SYNE1: variants seen among roughly 807,000 people sequenced by gnomAD.
SYNE1 encodes spectrin repeat containing nuclear envelope protein 1.
A neutral mutation model predicts 1,111.0 loss-of-function variants in SYNE1; 616 were observed. That is an observed-to-expected ratio of 0.55 (90% CI 0.52 to 0.59). The LOEUF is 0.59. SYNE1 is among the 20% of genes least tolerant of loss of function. The pLI is 0.00. For synonymous variants in SYNE1, 3,855 were observed against 3,825.8 expected, an observed-to-expected ratio of 1.01 and a Z score of -0.28; for missense variants, 10,006 against 10,417.0, an observed-to-expected ratio of 0.96 and a Z score of 1.72.
intron 93 of SYNE1, among the ~76,000 whole-genome samples, chr6:152,296,059 C>A (rs904728289): frequency 3.3e-5 from 5 of 152,224 alleles, no homozygotes; most frequent in Non-Finnish European, 7.3e-5. Context: ...GGGTGATTTT[C>A]ATGGGACTTT....
In SYNE1 at chr6:152,495,602, C is replaced by T. The variant is rs1203522928; in HGVS notation, c.939+3140G>A. ...TCACCTGCTCCACCCTGACTCATTC[C>T]GATTACCTGCTCCACCCTGACTCAT... On this transcript the variant is annotated intron_variant, in intron 11 of 145. Transcript: ENST00000367255. Among the ~76,000 whole-genome samples the T allele has an allele frequency of 5.3e-5, 8 of 152,042 alleles. No individual in the cohort carries two copies. The East Asian group carries it at 5.8e-4, about 11-fold the overall frequency.
intron 102 of SYNE1, among the ~76,000 whole-genome samples, 162 bp downstream of exon 102, chr6:152,256,472 T>C (rs946836990): frequency 7.0e-6 from 1 of 143,824 alleles, no homozygotes; most frequent in African/African-American, 2.6e-5. Flanking sequence ...ATAAATAGGA[T>C]GGGACTCCAG....
chr6:152,346,592 C>G (rs1406388114), intron 73 of SYNE1, among the ~76,000 whole-genome samples: 1 of 152,016 alleles, frequency 6.6e-6, no homozygotes, highest in Non-Finnish European at 1.5e-5. Context: ...GGGCGGATCA[C>G]GAGGTCAGGA....
chr6:152,408,955 CAAAA>C (rs369206657), intron 44 of SYNE1, 109 bp downstream of exon 44: 468 of 887,110 alleles, frequency 5.3e-4, no homozygotes, highest in Non-Finnish European at 5.7e-4. Flanking sequence ...ACTCTGTCTC[CAAAA>C]AAAAAAAAAA....
At chr6:152,300,258 A>T (rs1251203498) in intron 93 of SYNE1, among the ~76,000 whole-genome samples, 1 of 152,206 alleles carries the variant, frequency 6.6e-6, no homozygotes, top group Non-Finnish European at 1.5e-5. Context: ...AAATGCCAGC[A>T]CTATTTTCAA....
In SYNE1 at chr6:152,139,962, G is replaced by C; in HGVS notation, c.25446C>G (p.Ile8482Met). 6.2e-7 allele frequency: 1 copy of C among 1,613,528 alleles called. No homozygotes were observed. Among genetic ancestry groups the C allele is most frequent in the Middle Eastern group, 1.8e-4 (1 of 5,590 alleles). Residue 8482 changes from isoleucine to methionine, a missense_variant, in exon 140 of 146, where the codon ATC becomes ATG. Ile to Met is a conservative substitution (Grantham distance 10, BLOSUM62 1). Transcript: ENST00000367255. ...AAGGGGCAGCTACCTTGAGCTTTTT[G>C]ATCTGGAGCTCGATGGTCTGGATGT... Reference protein sequence around the residue: ...STDIQTIELQIKKLKELQKAV... With the variant: ...STDIQTIELQMKKLKELQKAV...
Position 152,350,319 on chromosome 6 carries a change from A to C in SYNE1, c.11750T>G (p.Leu3917Arg), listed in dbSNP as rs1395703602. 2.2e-5 allele frequency: 35 copies of C among 1,614,056 alleles called. No individual in the cohort carries two copies. The highest frequency in any genetic ancestry group is 3.0e-5 in the Non-Finnish European group (35 of 1,180,044). The change falls in exon 72 of 146, where the codon CTG becomes CGG. Residue 3917 changes from leucine to arginine, a missense_variant. By Grantham distance (102) the Leu-to-Arg change is moderately radical. Transcript: ENST00000367255. The stretch of plus-strand genomic sequence containing the variant: ...TTCATGGTCTTTGACTTTCGCCTCC[A>C]GACTGAAGACATGCTCCTGCAAAAC... ...CSIGKEHVFS[L>R]EAKVKDHEDY...
At chr6:152,631,434 C>T (rs563594857) in intron 2 of SYNE1, among the ~76,000 whole-genome samples, 1 of 152,252 alleles carries the variant, frequency 6.6e-6, no homozygotes, top group East Asian at 1.9e-4. Context: ...GAGTGCTATG[C>T]TCAGAAGTTT....
In SYNE1 at chr6:152,442,145, T is replaced by C. The variant is rs757850469; in HGVS notation, c.3938A>G (p.Glu1313Gly). ...CAGTGTGCTCTCCAGCTTCCGCAGC[T>C]CCTCGTGGCCTCGGTCAGGCAGCCC... ...EGGLPDRGHE[E>G]LRKLESTLDG... Residue 1313 changes from glutamate to glycine, a missense_variant, in exon 31 of 146, where the codon GAG becomes GGG. By Grantham distance (98) the Glu-to-Gly change is moderately conservative (BLOSUM62 -2). Coordinates refer to ENST00000367255, the MANE Select transcript of SYNE1 (RefSeq NM_182961.4). The C allele has an allele frequency of 6.2e-7, 1 of 1,612,816 alleles. No homozygotes were observed. Among genetic ancestry groups the C allele is most frequent in the East Asian group, 2.2e-5 (1 of 44,804 alleles).
intron 14 of SYNE1, among the ~76,000 whole-genome samples, chr6:152,475,242 C>A (rs971735832): frequency 2.0e-5 from 3 of 152,190 alleles, no homozygotes. Context: ...AGTACAGTCA[C>A]TCCTTGACTC....
intron 29 of SYNE1, among the ~76,000 whole-genome samples, chr6:152,445,742 T>C (rs1370803516): frequency 6.6e-6 from 1 of 151,952 alleles, no homozygotes; most frequent in African/African-American, 2.4e-5. Context: ...CACTGGACAA[T>C]TGCAAACACA....
intron 137 of SYNE1, chr6:152,145,354 A>G: frequency 1.2e-6 from 1 of 821,534 alleles, no homozygotes; most frequent in Non-Finnish European, 2.1e-6. Flanking sequence ...TTTCTAGTAC[A>G]GCAGTAAGAG....
intron 94 of SYNE1, 104 bp downstream of exon 94, chr6:152,293,856 C>T: frequency 6.2e-7 from 1 of 1,607,748 alleles, no homozygotes; most frequent in Non-Finnish European, 8.5e-7. Flanking sequence ...ATAGGGTACT[C>T]AACTGTGGAC....
At chr6:152,225,918 T>C (rs376118811) in intron 115 of SYNE1, 42 bp from the exon 116 acceptor site, 8 of 1,595,870 alleles carry the variant, frequency 5.0e-6, no homozygotes, top group African/African-American at 2.7e-5. Flanking sequence ...TGTTCTATTA[T>C]GGAACTCTGG....
intron 123 of SYNE1, among the ~76,000 whole-genome samples, chr6:152,213,373 T>C (rs544530186): frequency 1.3e-5 from 2 of 152,328 alleles, no homozygotes; most frequent in Admixed American, 6.5e-5. Context: ...TCTGGCATTA[T>C]ACTTTACAAG....
chr6:152,322,565 C>T (rs899813057), intron 82 of SYNE1, among the ~76,000 whole-genome samples: 5 of 152,152 alleles, frequency 3.3e-5, no homozygotes, highest in Non-Finnish European at 7.4e-5. Flanking sequence ...CTATTATTTA[C>T]CTGGACTGCG....
rs1412425061 is a variant in SYNE1, at chr6:152,442,158, G to C, written c.3925C>G (p.Arg1309Gly). 2 of 1,613,782 alleles carry C rather than the reference G, an allele frequency of 1.2e-6. No homozygotes were observed. Among genetic ancestry groups the C allele is most frequent in the East Asian group, 2.2e-5 (1 of 44,884 alleles). Reference sequence around the variant, plus strand: ...AGCTTCCGCAGCTCCTCGTGGCCTCGGTCAGGCAGCCCCCCTTCTCCCTGC... The same window carrying C: ...AGCTTCCGCAGCTCCTCGTGGCCTCCGTCAGGCAGCCCCCCTTCTCCCTGC... ...AQQGEGGLPD[R>G]GHEELRKLES... The change falls in exon 31 of 146, where the codon CGA becomes GGA. Residue 1309 changes from arginine to glycine, a missense_variant. Arg to Gly is a moderately radical substitution (Grantham distance 125, BLOSUM62 -2). Around this residue, in one of 7 missense-constraint regions of SYNE1, gnomAD observed 1,971 missense variants for 2,084.1 expected, o/e 0.95. Transcript: ENST00000367255.
chr6:152,475,363 A>G (rs1400587722), intron 14 of SYNE1, among the ~76,000 whole-genome samples: 1 of 152,248 alleles, frequency 6.6e-6, no homozygotes, highest in Non-Finnish European at 1.5e-5. Context: ...CTTCACCGAC[A>G]TTAAATGTGC....
chr6:152,302,478 C>A (rs866598172), intron 91 of SYNE1, among the ~76,000 whole-genome samples: 1 of 152,044 alleles, frequency 6.6e-6, no homozygotes, highest in Non-Finnish European at 1.5e-5. Context: ...TAAAACCACA[C>A]CAAAAAAAAT....
Sources: gnomAD v4.1 joint callset for allele counts (sites outside exome capture counted in the v4.1 genomes callset) on GRCh38, gnomAD v4.1.1 for gene constraint, gnomAD v4.1.1 regional missense constraint, MANE v1.5 for transcripts, NCBI Gene and HGNC (gene_info 2026-07-23, HGNC 2026-07-21) for gene names.